Variants in FBXL17 observed in about 807,000 individuals in gnomAD.
The protein encoded by FBXL17 is F-box and leucine rich repeat protein 17.
A neutral mutation model predicts 66.2 loss-of-function variants in FBXL17; 22 were observed. That is an observed-to-expected ratio of 0.33 (90% CI 0.24 to 0.47). The LOEUF is 0.47. Ranked by LOEUF, FBXL17 falls within the 20% of genes least tolerant of loss-of-function variation. The pLI, the probability that FBXL17 is intolerant of heterozygous loss-of-function variation, is 1.00. For missense variants in FBXL17, 878 were observed against 948.2 expected (o/e 0.93, Z 0.97); for synonymous variants, 474 against 400.5 (o/e 1.18, Z -2.19).
At chr5:107,955,308 TAG>T (rs1751626085) in intron 7 of FBXL17, among the ~76,000 whole-genome samples, 1 of 152,076 alleles carries the variant, frequency 6.6e-6, no homozygotes, top group East Asian at 1.9e-4. Flanking sequence ...AAAAAAAAAT[TAG>T]AGTGTCTAAC....
At chr5:108,202,708 A>G (rs1025375765) in intron 5 of FBXL17, among the ~76,000 whole-genome samples, 3 of 152,152 alleles carry the variant, frequency 2.0e-5, no homozygotes, top group Non-Finnish European at 4.4e-5. Flanking sequence ...GCAAGATTTC[A>G]ACACTACTTA....
chr5:108,351,181 AAGAT>A lies in FBXL17; in HGVS notation c.1375-2655_1375-2652del, dbSNP rs140498946. ...TGAAAACAAAATGCTTTAGAGAAAAAAGATAGGTACATAATTATAGAATGTAAAT... is the reference window on the plus strand; with the variant it reads ...TGAAAACAAAATGCTTTAGAGAAAAAAGGTACATAATTATAGAATGTAAAT... On this transcript the variant is annotated intron_variant, in intron 3 of 8. Coordinates refer to ENST00000542267, the MANE Select transcript of FBXL17 (RefSeq NM_001163315.3). Among the ~76,000 whole-genome samples, 1,045 of 152,320 alleles carry A rather than the reference AAGAT, an allele frequency of 6.9e-3. 14 individuals are homozygous for A. Among genetic ancestry groups the A allele is most frequent in the African/African-American group, 0.024 (991 of 41,574 alleles).
At chr5:108,071,244 T>C (rs545809401) in intron 6 of FBXL17, among the ~76,000 whole-genome samples, 2 of 152,332 alleles carry the variant, frequency 1.3e-5, no homozygotes, top group South Asian at 2.1e-4. Context: ...GTTTCAGCAG[T>C]AGAAATGTGA....
chr5:108,204,529 G>C lies in FBXL17; in HGVS notation c.1615-18282C>G, dbSNP rs1451497307. 2.0e-5 allele frequency among the ~76,000 whole-genome samples: 3 copies of C among 152,074 alleles called. No individual in the cohort carries two copies. In the East Asian group the frequency reaches 5.8e-4, roughly 29 times the overall value. On this transcript the variant is annotated intron_variant, in intron 5 of 8. Transcript: ENST00000542267. ...ACTACTGATTGAAATCATTTGTACT[G>C]ATTTGATATAAATAAACACACAAGA... is the stretch of plus-strand genomic sequence containing the variant.
Position 108,218,020 on chromosome 5 carries a change from T to TC in FBXL17, c.1614+6100_1614+6101insG, listed in dbSNP as rs201047920. ...CCATATTTTCTAATTTTTTTTCTTT[T>TC]TTTTTTTTTTTTTTTGAGACAGAGT... On this transcript the variant is annotated intron_variant, in intron 5 of 8. Coordinates refer to ENST00000542267, the MANE Select transcript of FBXL17 (RefSeq NM_001163315.3). 6.8e-3 allele frequency among the ~76,000 whole-genome samples: 963 copies of TC among 140,944 alleles called. 12 individuals carry two copies. The highest frequency in any genetic ancestry group is 0.012 in the African/African-American group (450 of 38,544). The allele number at this position is 140,944 out of a possible 152,430, so 92.5% of individuals were successfully genotyped here.
At chr5:108,142,978 T>TATGATA (rs1554068847) in intron 6 of FBXL17, among the ~76,000 whole-genome samples, 1 of 145,072 alleles carries the variant, frequency 6.9e-6, no homozygotes, top group South Asian at 2.2e-4. Flanking sequence ...GAACATAAAG[T>TATGATA]ATAATAATAA....
In FBXL17 at chr5:108,381,199, C is replaced by G; in HGVS notation, c.493G>C (p.Gly165Arg). The change falls in exon 1 of 9, where the codon GGG becomes CGG. Residue 165 changes from glycine (G) to arginine (R), a missense_variant. Around this residue, in one of 4 missense-constraint regions of FBXL17, gnomAD observed 605 missense variants for 509.5 expected, o/e 1.19. Transcript: ENST00000542267. ...GGCGGCCCCAGGAAGCGCACCGGCC[C>G]CAAGCTGGCCAGGAAGAGACTTCGG... ...QGRSLFLASL[G>R]PVRFLGPPAA... The G allele has an allele frequency of 6.9e-7, 1 of 1,443,380 alleles. No homozygotes were observed. The highest frequency in any genetic ancestry group is 1.4e-5 in the South Asian group (1 of 73,754). The allele number at this position is 1,443,380 out of a possible 1,614,324, so 89.4% of individuals were successfully genotyped here.
At chr5:108,012,558 G>GA (rs967535184) in intron 7 of FBXL17, among the ~76,000 whole-genome samples, 6 of 151,766 alleles carry the variant, frequency 4.0e-5, no homozygotes, top group Admixed American at 6.6e-5. Flanking sequence ...AATCCTACTG[G>GA]AAAAAAAAGT....
At chr5:108,379,769 C>T (rs1749711604) in intron 1 of FBXL17, among the ~76,000 whole-genome samples, 2 of 152,160 alleles carry the variant, frequency 1.3e-5, no homozygotes, top group African/African-American at 4.8e-5. Context: ...TTAATAAAAA[C>T]TCTATTATGT....
intron 1 of FBXL17, among the ~76,000 whole-genome samples, chr5:108,368,778 G>A (rs1748836293): frequency 6.6e-6 from 1 of 151,940 alleles, no homozygotes; most frequent in South Asian, 2.1e-4. Context: ...ATAAAATCAG[G>A]GGAAGTAAAC....
chr5:108,097,794 A>AG (rs1385077160), intron 6 of FBXL17, among the ~76,000 whole-genome samples: 1 of 151,706 alleles, frequency 6.6e-6, no homozygotes, highest in Non-Finnish European at 1.5e-5. Flanking sequence ...AGAAAAAAAA[A>AG]AAAAATTATA....
At chr5:108,117,448 T>C (rs1057060602) in intron 6 of FBXL17, among the ~76,000 whole-genome samples, 1 of 152,194 alleles carries the variant, frequency 6.6e-6, no homozygotes, top group Non-Finnish European at 1.5e-5. Context: ...CCCAAATTAC[T>C]AGATTATGAA....
intron 6 of FBXL17, among the ~76,000 whole-genome samples, chr5:108,029,647 T>C (rs1754957823): frequency 6.6e-6 from 1 of 152,130 alleles, no homozygotes; most frequent in Non-Finnish European, 1.5e-5. Context: ...ATTCTTTTTA[T>C]TTATAGAAAT....
intron 7 of FBXL17, among the ~76,000 whole-genome samples, chr5:107,881,671 T>A (rs1331169090): frequency 6.6e-6 from 1 of 152,204 alleles, no homozygotes; most frequent in African/African-American, 2.4e-5. Context: ...TGTAAAAGTA[T>A]AAAATATTTT....
intron 4 of FBXL17, among the ~76,000 whole-genome samples, chr5:108,261,291 T>C (rs1415684727): frequency 6.6e-6 from 1 of 151,446 alleles, no homozygotes; most frequent in Non-Finnish European, 1.5e-5. Context: ...CAAAAAAAGC[T>C]TGAAAGGATA....
chr5:108,001,278 G>A (rs1753713060), intron 7 of FBXL17, among the ~76,000 whole-genome samples: 1 of 152,070 alleles, frequency 6.6e-6, no homozygotes, highest in African/African-American at 2.4e-5. Context: ...AAATAAGAAT[G>A]ACATGTGTGA....
intron 7 of FBXL17, among the ~76,000 whole-genome samples, chr5:107,890,763 A>G (rs549594754): frequency 1.3e-5 from 2 of 152,296 alleles, no homozygotes; most frequent in South Asian, 2.1e-4. Context: ...GAAAACATAC[A>G]TGTTGTCAGG....
At position 107,982,390 on chromosome 5, in the gene FBXL17, T is replaced by C. The variant is rs149121134; in HGVS notation, c.1822+38535A>G. On this transcript the variant is annotated intron_variant, in intron 7 of 8. Transcript: ENST00000542267. ...GTTCATTTAAAAAATCCTTCAATAT[T>C]CAGTAACAGAACTATGAAGTGAGTA... is the stretch of plus-strand genomic sequence containing the variant. Among the ~76,000 whole-genome samples the C allele has an allele frequency of 1.8e-3, 281 of 152,232 alleles. 2 individuals are homozygous for C. Among genetic ancestry groups the C allele is most frequent in the African/African-American group, 6.3e-3 (262 of 41,522 alleles).
Position 108,157,844 on chromosome 5 carries a change from C to A in FBXL17, c.1745+28273G>T, listed in dbSNP as rs185087425. ...TGAATGCATCAATTCTATCTATATA[C>A]CACCTTTCAACCCTAACTTCCCAGA... On this transcript the variant is annotated intron_variant, in intron 6 of 8. Coordinates refer to ENST00000542267, the MANE Select transcript of FBXL17 (RefSeq NM_001163315.3). Among the ~76,000 whole-genome samples, 131 of 152,060 alleles carry A rather than the reference C, an allele frequency of 8.6e-4. 1 individual carries two copies. The highest frequency in any genetic ancestry group is 3.1e-3 in the African/African-American group (128 of 41,548).
Sources: gnomAD v4.1 joint callset for allele counts (sites outside exome capture counted in the v4.1 genomes callset) on GRCh38, gnomAD v4.1.1 for gene constraint, gnomAD v4.1.1 regional missense constraint, MANE v1.5 for transcripts, NCBI Gene and HGNC (gene_info 2026-07-23, HGNC 2026-07-21) for gene names.